Variants in ANKS1B observed in about 807,000 individuals in gnomAD.
The protein encoded by ANKS1B is ankyrin repeat and sterile alpha motif domain-containing protein 1B.
In ANKS1B, 36 loss-of-function variants were observed where a neutral mutation model predicts 148.3. The ratio of observed to expected loss-of-function variants is 0.24; its 90% CI spans 0.19 to 0.32. The LOEUF (loss-of-function observed/expected upper bound fraction) is 0.32, where lower values mean the gene tolerates loss of function less well. ANKS1B is among the 10% of genes least tolerant of loss of function. The pLI is 1.00. For synonymous variants in ANKS1B, 542 were observed against 560.8 expected (o/e 0.97, Z 0.47); for missense variants, 1,157 against 1,542.6 (o/e 0.75, Z 4.19).
rs1370894934 is a variant in ANKS1B at position 99,009,509 on chromosome 12, T to C, written c.2778+43648A>G. 3.3e-5 allele frequency among the ~76,000 whole-genome samples: 5 copies of C among 152,308 alleles called. No homozygotes were observed. The East Asian group carries it at 7.7e-4, about 24-fold the overall frequency. On this transcript the variant is annotated intron_variant, in intron 17 of 26. Transcript: ENST00000683438. Reference sequence around the variant, plus strand: ...TCAGCATCCATCTGCGACTCTCCTTTATTCATTGAACTCCTTGTTTTGGAG... The same window carrying C: ...TCAGCATCCATCTGCGACTCTCCTTCATTCATTGAACTCCTTGTTTTGGAG...
chr12:99,042,769 A>G (rs1176006262), intron 17 of ANKS1B, among the ~76,000 whole-genome samples: 1 of 152,186 alleles, frequency 6.6e-6, no homozygotes, highest in African/African-American at 2.4e-5. Flanking sequence ...CTATTATCCA[A>G]ATTTCAGAGG....
intron 1 of ANKS1B, among the ~76,000 whole-genome samples, chr12:99,854,095 T>C (rs1387600448): frequency 6.6e-6 from 1 of 152,184 alleles, no homozygotes; most frequent in African/African-American, 2.4e-5. Flanking sequence ...ATGTGCAAGC[T>C]CCGCCTCCTG....
At chr12:99,726,481 G>A (rs561983196) in intron 8 of ANKS1B, among the ~76,000 whole-genome samples, 3 of 152,212 alleles carry the variant, frequency 2.0e-5, no homozygotes, top group African/African-American at 7.2e-5. Context: ...CTGAAATTGA[G>A]GCAGTAATTA....
At chr12:99,969,693 A>G (rs1279569392) in intron 1 of ANKS1B, among the ~76,000 whole-genome samples, 1 of 152,256 alleles carries the variant, frequency 6.6e-6, no homozygotes, top group Non-Finnish European at 1.5e-5. Flanking sequence ...ATAATTTTGT[A>G]GAAAATGTAC....
chr12:99,132,070 C>A (rs980541993), intron 15 of ANKS1B, among the ~76,000 whole-genome samples: 1 of 152,178 alleles, frequency 6.6e-6, no homozygotes, highest in South Asian at 2.1e-4. Context: ...TCCAAGACTC[C>A]CCCTCCTTCC....
intron 4 of ANKS1B, among the ~76,000 whole-genome samples, chr12:99,805,096 G>A (rs1001610345): frequency 6.6e-6 from 1 of 151,868 alleles, no homozygotes; most frequent in Non-Finnish European, 1.5e-5. Flanking sequence ...GCTAAATAAA[G>A]AGTTATTGTG....
chr12:98,985,961 C>T (rs1263082310), intron 17 of ANKS1B, among the ~76,000 whole-genome samples: 1 of 152,126 alleles, frequency 6.6e-6, no homozygotes, highest in Non-Finnish European at 1.5e-5. Context: ...TCTGAAAAAG[C>T]CTTTTTTCCT....
intron 9 of ANKS1B, among the ~76,000 whole-genome samples, chr12:99,575,494 T>C (rs544713735): frequency 1.3e-5 from 2 of 152,178 alleles, no homozygotes; most frequent in Non-Finnish European, 2.9e-5. Flanking sequence ...AGAGGTTTAA[T>C]TGACTCATGG....
At chr12:99,718,674 C>T (rs1454496368) in intron 8 of ANKS1B, among the ~76,000 whole-genome samples, 3 of 152,180 alleles carry the variant, frequency 2.0e-5, no homozygotes, top group African/African-American at 7.2e-5. Flanking sequence ...CTATCCACCC[C>T]ATGGTGCCAA....
intron 12 of ANKS1B, among the ~76,000 whole-genome samples, chr12:99,371,407 C>T (rs1014529406): frequency 4.6e-5 from 7 of 152,068 alleles, no homozygotes; most frequent in African/African-American, 1.7e-4. Context: ...TTAGTGATCT[C>T]TGTAAACGCA....
At chr12:99,784,281 C>T (rs947190640) in intron 4 of ANKS1B, among the ~76,000 whole-genome samples, 23 of 151,930 alleles carry the variant, frequency 1.5e-4, no homozygotes, top group African/African-American at 4.6e-4. Flanking sequence ...ACACCATTCC[C>T]CTGTCTCAGC....
chr12:99,715,213 T>C (rs920482830), intron 8 of ANKS1B, among the ~76,000 whole-genome samples: 1 of 152,136 alleles, frequency 6.6e-6, no homozygotes, highest in African/African-American at 2.4e-5. Context: ...TAAGCCATCA[T>C]ATCCCCTGTA....
intron 12 of ANKS1B, among the ~76,000 whole-genome samples, chr12:99,281,902 G>A (rs1425602541): frequency 6.6e-6 from 1 of 152,110 alleles, no homozygotes; most frequent in Non-Finnish European, 1.5e-5. Context: ...CAAAAATAAT[G>A]GTTTTGTATG....
At chr12:99,466,112 C>T (rs1307254589) in intron 10 of ANKS1B, among the ~76,000 whole-genome samples, 1 of 152,124 alleles carries the variant, frequency 6.6e-6, no homozygotes, top group Admixed American at 6.6e-5. Context: ...TGCAATCAAA[C>T]TAGAACTCAG....
intron 8 of ANKS1B, among the ~76,000 whole-genome samples, chr12:99,757,914 C>G (rs545225449): frequency 3.1e-4 from 47 of 151,800 alleles, no homozygotes; most frequent in Non-Finnish European, 5.2e-4. Context: ...AAATAGAGAA[C>G]AGCACACACT....
At chr12:98,793,860 C>G (rs186221268) in intron 22 of ANKS1B, among the ~76,000 whole-genome samples, 1 of 152,186 alleles carries the variant, frequency 6.6e-6, no homozygotes, top group Admixed American at 6.5e-5. Context: ...AAATTAAGCC[C>G]CAGGGCAAAA....
At chr12:99,812,970 T>A (rs1163243332) in intron 2 of ANKS1B, among the ~76,000 whole-genome samples, 2 of 151,662 alleles carry the variant, frequency 1.3e-5, no homozygotes, top group African/African-American at 4.8e-5. Context: ...AAAATAATAA[T>A]AAAAAAATTT....
intron 2 of ANKS1B, among the ~76,000 whole-genome samples, chr12:99,814,181 A>G (rs2068798626): frequency 6.6e-6 from 1 of 151,648 alleles, no homozygotes; most frequent in South Asian, 2.1e-4. Context: ...TATGATGTTC[A>G]CACAATGATG....
intron 1 of ANKS1B, among the ~76,000 whole-genome samples, chr12:99,960,389 C>T (rs2095393690): frequency 1.3e-5 from 2 of 152,190 alleles, no homozygotes; most frequent in Non-Finnish European, 2.9e-5. Flanking sequence ...AAACCACAGC[C>T]AAATCATGTC....
Sources: allele counts gnomAD v4.1 joint callset (sites outside exome capture counted in the v4.1 genomes callset), GRCh38; gene constraint gnomAD v4.1.1; transcripts MANE v1.5; gene names NCBI Gene and HGNC (gene_info 2026-07-23, HGNC 2026-07-21).